NEGR1: variants seen among roughly 807,000 people sequenced by gnomAD.
NEGR1 encodes neuronal growth regulator 1.
In NEGR1, 10 loss-of-function variants were observed where a neutral mutation model predicts 40.9. The observed-to-expected ratio is 0.24, with a 90% CI of 0.15 to 0.42. NEGR1 has a LOEUF of 0.42. Among genes scored for constraint, NEGR1 ranks in the 10% least tolerant of loss-of-function variants. NEGR1 has a pLI of 1.00. For synonymous variants in NEGR1, 185 were observed against 166.8 expected, an observed-to-expected ratio of 1.11 and a Z score of -0.84; for missense variants, 352 against 438.9, an observed-to-expected ratio of 0.80 and a Z score of 1.77.
chr1:71,853,213 A>T (rs1389930752), intron 2 of NEGR1, among the ~76,000 whole-genome samples: 1 of 152,168 alleles, frequency 6.6e-6, no homozygotes, highest in African/African-American at 2.4e-5. Flanking sequence ...CGGAATATGC[A>T]TAATTTTTAT....
At chr1:71,451,332 G>GT (rs1646626388) in intron 6 of NEGR1, among the ~76,000 whole-genome samples, 3 of 63,246 alleles carry the variant, frequency 4.7e-5, no homozygotes, top group African/African-American at 1.7e-4. Context: ...TAGTGCTACA[G>GT]ATTTTTTTTT....
intron 1 of NEGR1, among the ~76,000 whole-genome samples, chr1:72,225,539 C>G (rs906625600): frequency 6.6e-6 from 1 of 151,300 alleles, no homozygotes; most frequent in Admixed American, 6.6e-5. Context: ...ATTCTTCTAG[C>G]ATTCATAATT....
At chr1:71,585,656 G>A (rs965331217) in intron 6 of NEGR1, among the ~76,000 whole-genome samples, 1 of 142,092 alleles carries the variant, frequency 7.0e-6, no homozygotes, top group African/African-American at 2.6e-5. Context: ...AAACACATCA[G>A]TAGAGTAATT....
chr1:72,030,678 A>T (rs1646849939), intron 1 of NEGR1, among the ~76,000 whole-genome samples: 1 of 152,192 alleles, frequency 6.6e-6, no homozygotes, highest in Non-Finnish European at 1.5e-5. Context: ...GATAAAAAAA[A>T]GTACACTACA....
chr1:72,237,148 A>G (rs1275499107), intron 1 of NEGR1, among the ~76,000 whole-genome samples: 16 of 151,978 alleles, frequency 1.1e-4, no homozygotes, highest in Non-Finnish European at 2.4e-4. Flanking sequence ...TAGGTTTACT[A>G]GAGGCCTATT....
intron 1 of NEGR1, among the ~76,000 whole-genome samples, chr1:72,045,791 A>G (rs1296894782): frequency 6.6e-6 from 1 of 151,296 alleles, no homozygotes. Flanking sequence ...TGAAAAATGA[A>G]AGATCCTGAA....
chr1:71,638,006 T>C (rs1055066991), intron 4 of NEGR1, among the ~76,000 whole-genome samples: 3 of 152,056 alleles, frequency 2.0e-5, no homozygotes, highest in Non-Finnish European at 4.4e-5. Flanking sequence ...ATCATTTAGA[T>C]GAGAAAGCTG....
chr1:71,726,706 C>T (rs1654688563), intron 3 of NEGR1, among the ~76,000 whole-genome samples: 1 of 151,942 alleles, frequency 6.6e-6, no homozygotes, highest in Non-Finnish European at 1.5e-5. Context: ...TTTGATAGGT[C>T]CTGCAGTCAC....
chr1:71,942,865 G>A lies in NEGR1; in HGVS notation c.177-7554C>T, dbSNP rs1028793723. Among the ~76,000 whole-genome samples the A allele has an allele frequency of 6.5e-5, 8 of 122,806 alleles. No individual in the cohort carries two copies. In the South Asian group the frequency reaches 9.2e-4, roughly 14 times the overall value. 80.6% of individuals were successfully genotyped at this position (122,806 alleles called of 152,430 possible). On this transcript the variant is annotated intron_variant, in intron 1 of 6. Coordinates refer to ENST00000357731, the MANE Select transcript of NEGR1 (RefSeq NM_173808.3). ...CACCCAGGCTTGAGTACAGTGGAAC[G>A]ATCGTAGCTCACTGCAGCCTCGAAC...
intron 6 of NEGR1, among the ~76,000 whole-genome samples, chr1:71,469,485 C>T (rs1242445000): frequency 1.3e-5 from 2 of 151,984 alleles, no homozygotes; most frequent in African/African-American, 4.8e-5. Flanking sequence ...AATCTTCCAG[C>T]TGAATTTAGT....
chr1:71,672,519 TAAATC>T (rs1011792566), intron 4 of NEGR1, among the ~76,000 whole-genome samples: 4 of 152,142 alleles, frequency 2.6e-5, no homozygotes, highest in African/African-American at 9.7e-5. Context: ...AAATATTTGT[TAAATC>T]AATCAATAAA....
At chr1:71,619,292 C>T (rs544583957) in intron 4 of NEGR1, among the ~76,000 whole-genome samples, 108 of 152,152 alleles carry the variant, frequency 7.1e-4, no homozygotes, top group Admixed American at 2.2e-3. Context: ...TGAGTGATTG[C>T]TTCCAGAGCC....
At chr1:71,535,848 C>T (rs142132751) in intron 6 of NEGR1, among the ~76,000 whole-genome samples, 1 of 151,754 alleles carries the variant, frequency 6.6e-6, no homozygotes, top group Non-Finnish European at 1.5e-5. Context: ...TATTTCACTG[C>T]ATGGTAGAAA....
At chr1:72,123,741 A>C (rs958445049) in intron 1 of NEGR1, among the ~76,000 whole-genome samples, 9 of 151,964 alleles carry the variant, frequency 5.9e-5, no homozygotes, top group African/African-American at 2.2e-4. Flanking sequence ...GAGGTAACAT[A>C]TTATTTTATA....
At chr1:72,205,314 T>C (rs1011898272) in intron 1 of NEGR1, among the ~76,000 whole-genome samples, 5 of 151,848 alleles carry the variant, frequency 3.3e-5, no homozygotes, top group Non-Finnish European at 4.4e-5. Flanking sequence ...GCTTAAAGTA[T>C]GGAAAAACCA....
intron 4 of NEGR1, among the ~76,000 whole-genome samples, chr1:71,620,689 C>T (rs535356513): frequency 1.1e-4 from 16 of 152,022 alleles, no homozygotes; most frequent in Middle Eastern, 3.4e-3. Context: ...GAATCACAAT[C>T]TTTATGACTT....
intron 1 of NEGR1, among the ~76,000 whole-genome samples, chr1:72,076,890 CTT>C (rs56943357): frequency 7.9e-5 from 8 of 101,690 alleles, no homozygotes; most frequent in East Asian, 2.9e-4. Flanking sequence ...CTCATTTATC[CTT>C]TTTTTTTTTT....
intron 5 of NEGR1, among the ~76,000 whole-genome samples, chr1:71,602,210 T>G (rs995526918): frequency 6.7e-6 from 1 of 150,068 alleles, no homozygotes; most frequent in Non-Finnish European, 1.5e-5. Context: ...ATGACATTGA[T>G]CACGTTCTTC....
At chr1:71,533,566 T>G (rs1431180615) in intron 6 of NEGR1, among the ~76,000 whole-genome samples, 1 of 151,646 alleles carries the variant, frequency 6.6e-6, no homozygotes, top group African/African-American at 2.4e-5. Context: ...CTGGAATATA[T>G]TTGTGTGTCT....
Sources: gnomAD v4.1 joint callset for allele counts (sites outside exome capture counted in the v4.1 genomes callset) on GRCh38, gnomAD v4.1.1 for gene constraint, MANE v1.5 for transcripts, NCBI Gene and HGNC (gene_info 2026-07-23, HGNC 2026-07-21) for gene names.